Variants in FOXJ2 observed in about 807,000 individuals in gnomAD.
FOXJ2 encodes forkhead box protein J2.
A neutral mutation model predicts 68.4 loss-of-function variants in FOXJ2; 18 were observed. The ratio of observed to expected loss-of-function variants is 0.26; its 90% CI spans 0.18 to 0.39. FOXJ2 has a LOEUF of 0.39. FOXJ2 is among the 10% of genes least tolerant of loss of function. The pLI is 1.00. For synonymous variants in FOXJ2, 274 were observed against 263.2 expected, an observed-to-expected ratio of 1.04 and a Z score of -0.40; for missense variants, 670 against 726.5, an observed-to-expected ratio of 0.92 and a Z score of 0.89.
Position 8,052,887 on chromosome 12 carries a change from T to A in FOXJ2, c.*37T>A. 1 of 1,544,642 alleles carries A rather than the reference T, an allele frequency of 6.5e-7. No homozygotes were observed. Among genetic ancestry groups the A allele is most frequent in the South Asian group, 1.2e-5 (1 of 86,794 alleles). On this transcript the variant is annotated 3_prime_UTR_variant, in exon 11 of 11. Coordinates refer to ENST00000162391, the MANE Select transcript of FOXJ2 (RefSeq NM_018416.3). Reference sequence around the variant, plus strand: ...GTGTGGACATCAGCCCAGGGCCGCGTGGTGAAATCTGGCAGTGGGGAAAGA... The same window carrying A: ...GTGTGGACATCAGCCCAGGGCCGCGAGGTGAAATCTGGCAGTGGGGAAAGA...
In FOXJ2 at chr12:8,048,772, C is replaced by T; in HGVS notation, c.1301C>T (p.Ser434Phe). The change falls in exon 8 of 11, where the codon TCC becomes TTC. Residue 434 changes from serine (S) to phenylalanine (F), a missense_variant. This residue lies in a region of FOXJ2 where 555 missense variants were observed against 562.2 expected (regional missense o/e 0.99). Coordinates refer to ENST00000162391, the MANE Select transcript of FOXJ2 (RefSeq NM_018416.3). ...AAGATGGTGAATCGGCTCAATTGGT[C>T]CAGCATTGAGCAGTCACAATTCTCA... ...SFKMVNRLNWSSIEQSQFSEL... is the reference protein window; with the variant it reads ...SFKMVNRLNWFSIEQSQFSEL... The T allele has an allele frequency of 1.9e-6, 3 of 1,613,898 alleles. No homozygotes were observed. Among genetic ancestry groups the T allele is most frequent in the Non-Finnish European group, 2.5e-6 (3 of 1,179,920 alleles).
rs758966914 is a variant in FOXJ2 at position 8,043,761 on chromosome 12, G to A, written c.469G>A (p.Asp157Asn). 1.2e-6 allele frequency: 2 copies of A among 1,614,204 alleles called. No individual in the cohort carries two copies. Among genetic ancestry groups the A allele is most frequent in the Admixed American group, 3.3e-5 (2 of 60,030 alleles). The part of the protein sequence containing the change: ...DISRKRRHPP[D>N]DDLSQDSPEQ... ...TTCCCGAAAGAGAAGACACCCTCCA[G>A]ATGATGATGTAAGTTCCCAGCTCAT... Residue 157 changes from aspartate (D) to asparagine (N), a missense_variant, in exon 4 of 11, where the codon GAT becomes AAT. Physicochemically the swap from Asp to Asn is conservative, Grantham distance 23. Coordinates refer to ENST00000162391, the MANE Select transcript of FOXJ2 (RefSeq NM_018416.3).
chr12:8,036,091 A>C (rs1225893407), intron 1 of FOXJ2, among the ~76,000 whole-genome samples: 1 of 152,172 alleles, frequency 6.6e-6, no homozygotes, highest in Non-Finnish European at 1.5e-5. Context: ...TTTATTTAGC[A>C]CTTACTAAGT....
chr12:8,050,131 C>A, intron 9 of FOXJ2: 2 of 198,560 alleles, frequency 1.0e-5, no homozygotes, highest in Non-Finnish European at 2.0e-5. Context: ...CCACCATGCC[C>A]AGCTAATTTT....
At chr12:8,037,766 C>A (rs1164022786) in intron 1 of FOXJ2, among the ~76,000 whole-genome samples, 2 of 152,224 alleles carry the variant, frequency 1.3e-5, no homozygotes, top group Non-Finnish European at 2.9e-5. Flanking sequence ...TGCCACTCTT[C>A]AGCTCAGATG....
intron 6 of FOXJ2, among the ~76,000 whole-genome samples, chr12:8,045,218 ATTT>A (rs3074123): frequency 5.5e-4 from 68 of 123,238 alleles, no homozygotes; most frequent in Non-Finnish European, 5.5e-4. Context: ...TAATTTTTGT[ATTT>A]TTTTTTTTTT....
intron 10 of FOXJ2, among the ~76,000 whole-genome samples, chr12:8,051,143 T>A (rs1947121190): frequency 1.5e-5 from 1 of 64,764 alleles, no homozygotes. Flanking sequence ...CCTTTTCTTT[T>A]CTTTTCAACA....
In FOXJ2 at chr12:8,052,728, C is replaced by G. The variant is rs752050119; in HGVS notation, c.1637-34C>G. On this transcript the variant is annotated intron_variant, in intron 10 of 10. Coordinates refer to ENST00000162391, the MANE Select transcript of FOXJ2 (RefSeq NM_018416.3). ...AATTGAGGGAACAGCTTCCCATCCA[C>G]TCTCCTTTTACTCTCTTTCTTTCTT... 1.2e-5 allele frequency: 19 copies of G among 1,559,876 alleles called. No individual in the cohort carries two copies. In the East Asian group the frequency reaches 4.3e-4, roughly 36 times the overall value.
chr12:8,037,508 T>C (rs1173871952), intron 1 of FOXJ2, among the ~76,000 whole-genome samples: 2 of 152,218 alleles, frequency 1.3e-5, no homozygotes, highest in Non-Finnish European at 2.9e-5. Context: ...TCACTGTGAT[T>C]GGCATGTGCC....
In FOXJ2 at chr12:8,044,913, C is replaced by T. The variant is rs1947014725; in HGVS notation, c.772C>T (p.Leu258Phe). The T allele has an allele frequency of 6.2e-7, 1 of 1,614,112 alleles. No homozygotes were observed. Among genetic ancestry groups the T allele is most frequent in the African/African-American group, 1.3e-5 (1 of 74,938 alleles). ...FQDLSWSFRN[L>F]YKSMLEKSSS... ...GGATCTAAGCTGGTCCTTCCGCAAC[C>T]TCTATAAGTCCATGCTGGAGAAGTC... is the stretch of plus-strand genomic sequence containing the variant. Residue 258 changes from leucine (L) to phenylalanine (F), a missense_variant, in exon 6 of 11, where the codon CTC becomes TTC. Physicochemically the swap from Leu to Phe is conservative, Grantham distance 22 (BLOSUM62 0). Around this residue, in one of 2 missense-constraint regions of FOXJ2, gnomAD observed 555 missense variants for 562.2 expected, o/e 0.99. Coordinates refer to ENST00000162391, the MANE Select transcript of FOXJ2 (RefSeq NM_018416.3).
At chr12:8,050,791 C>T (rs899022087) in intron 10 of FOXJ2, among the ~76,000 whole-genome samples, 171 bp downstream of exon 10, 4 of 151,816 alleles carry the variant, frequency 2.6e-5, no homozygotes, top group Non-Finnish European at 4.4e-5. Context: ...AGGTGTGTGT[C>T]GGGGAGACTA....
Position 8,039,752 on chromosome 12 carries a change from C to T in FOXJ2, c.-14-67C>T, listed in dbSNP as rs2121325509. 3 of 1,372,382 alleles carry T rather than the reference C, an allele frequency of 2.2e-6. No individual in the cohort carries two copies. In the East Asian group the frequency reaches 6.9e-5, roughly 32 times the overall value. 85.0% of individuals were successfully genotyped at this position (1,372,382 alleles called of 1,614,324 possible). On this transcript the variant is annotated intron_variant, in intron 1 of 10. Coordinates refer to ENST00000162391, the MANE Select transcript of FOXJ2 (RefSeq NM_018416.3). ...GAGAGTAGGAAGAAACTCTACTTCCCTCAAACAAAAGGATTTGAGTATTAC... is the reference window on the plus strand; with the variant it reads ...GAGAGTAGGAAGAAACTCTACTTCCTTCAAACAAAAGGATTTGAGTATTAC...
In FOXJ2 at chr12:8,047,934, TCAG is replaced by T. The variant is rs1285498463; in HGVS notation, c.881_883del (p.Gln294del). Reference sequence around the variant, plus strand: ...CACCCTCGAACAACTACTACATGTATCAGCAGCAGCAGCCACCGCCACCTCAAC... The same window carrying T: ...CACCCTCGAACAACTACTACATGTATCAGCAGCAGCCACCGCCACCTCAAC... On this transcript the variant is annotated inframe_deletion, in exon 7 of 11. Transcript: ENST00000162391. 1 of 1,612,464 alleles carries T rather than the reference TCAG, an allele frequency of 6.2e-7. No individual in the cohort carries two copies. The highest frequency in any genetic ancestry group is 1.7e-5 in the Admixed American group (1 of 59,936).
intron 3 of FOXJ2, among the ~76,000 whole-genome samples, chr12:8,043,279 T>G (rs112339956): frequency 6.0e-5 from 9 of 151,226 alleles, no homozygotes; most frequent in African/African-American, 2.2e-4. Context: ...AAATACTTAG[T>G]GTAAAGTTGA....
intron 9 of FOXJ2, 100 bp from the exon 10 acceptor site, chr12:8,050,422 A>G: frequency 6.7e-7 from 1 of 1,484,918 alleles, no homozygotes; most frequent in African/African-American, 1.4e-5. Flanking sequence ...GGGAAGAGAG[A>G]AGGAGGATGG....
At chr12:8,044,716 C>T (rs746697536) in intron 5 of FOXJ2, 44 bp from the exon 6 acceptor site, 1 of 1,608,072 alleles carries the variant, frequency 6.2e-7, no homozygotes, top group African/African-American at 1.3e-5. Context: ...TTATTGGTCC[C>T]TCAGCTGGGA....
chr12:8,042,033 A>C (rs1287298192), intron 2 of FOXJ2, among the ~76,000 whole-genome samples: 3 of 152,066 alleles, frequency 2.0e-5, no homozygotes, highest in Non-Finnish European at 4.4e-5. Context: ...ATGTGCTACC[A>C]CGCCTGGCTA....
Position 8,040,944 on chromosome 12 carries a change from T to C in FOXJ2, c.333+779T>C, listed in dbSNP as rs1946956459. The stretch of plus-strand genomic sequence containing the variant: ...GAAAAATCATAATATAATTAGGTTC[T>C]TTACAAACAGCTGGCTACCAAGCAA... On this transcript the variant is annotated intron_variant, in intron 2 of 10. Coordinates refer to ENST00000162391, the MANE Select transcript of FOXJ2 (RefSeq NM_018416.3). This position sits in a 1 kb window ranked among gnomAD's most constrained non-coding sequence, Gnocchi z 4.0. Among the ~76,000 whole-genome samples the C allele has an allele frequency of 6.6e-6, 1 of 152,170 alleles. No individual in the cohort carries two copies. The highest frequency in any genetic ancestry group is 2.4e-5 in the African/African-American group (1 of 41,424).
intron 1 of FOXJ2, among the ~76,000 whole-genome samples, chr12:8,036,311 A>C (rs1946894554): frequency 6.6e-6 from 1 of 152,162 alleles, no homozygotes; most frequent in African/African-American, 2.4e-5. Context: ...ATGGGAAGAA[A>C]ACTGAGCCTG....
Sources: allele counts gnomAD v4.1 joint callset (sites outside exome capture counted in the v4.1 genomes callset), GRCh38; gene constraint gnomAD v4.1.1; regional missense constraint gnomAD v4.1.1; non-coding constraint Gnocchi (gnomAD v3.1); transcripts MANE v1.5; gene names NCBI Gene and HGNC (gene_info 2026-07-23, HGNC 2026-07-21).